Variants in SLC22A3 observed in about 807,000 individuals in gnomAD.
SLC22A3 encodes the protein EMT organic cation transporter 3.
SLC22A3 carries 51 observed loss-of-function variants against 59.1 expected under a neutral mutation model. That is an observed-to-expected ratio of 0.86 (90% CI 0.69 to 1.09). The LOEUF (loss-of-function observed/expected upper bound fraction) is 1.09. SLC22A3 is among the 50% of genes least tolerant of loss of function. The probability of loss-of-function intolerance (pLI) is 0.00; values close to 1 mark genes in which losing one functional copy is unlikely to be tolerated. For missense variants in SLC22A3, 711 were observed against 726.3 expected, an observed-to-expected ratio of 0.98 and a Z score of 0.24; for synonymous variants, 325 against 292.0, an observed-to-expected ratio of 1.11 and a Z score of -1.15.
intron 6 of SLC22A3, 44 bp from the exon 7 acceptor site, chr6:160,436,953 G>A: frequency 1.2e-6 from 2 of 1,613,104 alleles, no homozygotes; most frequent in Admixed American, 1.7e-5. Flanking sequence ...TCAGCTTGAA[G>A]TTATCTCTTA....
intron 5 of SLC22A3, among the ~76,000 whole-genome samples, chr6:160,416,531 C>G (rs1378732346): frequency 6.6e-6 from 1 of 152,044 alleles, no homozygotes; most frequent in Admixed American, 6.5e-5. Context: ...TACAGCATGA[C>G]AGCGTCTCAC....
intron 1 of SLC22A3, among the ~76,000 whole-genome samples, chr6:160,383,485 A>G (rs76395597): frequency 6.6e-6 from 1 of 152,078 alleles, no homozygotes; most frequent in African/African-American, 2.4e-5. Flanking sequence ...ATTTCCCTCA[A>G]TGAAAACTCC....
chr6:160,425,437 T>C (rs977531572), intron 5 of SLC22A3, among the ~76,000 whole-genome samples: 4 of 152,186 alleles, frequency 2.6e-5, no homozygotes, highest in African/African-American at 9.7e-5. Flanking sequence ...CTCTGTGAAA[T>C]GTTCATTTCA....
chr6:160,424,497 C>T (rs1302306591), intron 5 of SLC22A3, among the ~76,000 whole-genome samples: 2 of 152,190 alleles, frequency 1.3e-5, no homozygotes, highest in South Asian at 2.1e-4. Flanking sequence ...TAAGGTGTCT[C>T]TACCTGTTGC....
intron 5 of SLC22A3, among the ~76,000 whole-genome samples, chr6:160,430,812 G>T (rs1788125525): frequency 1.3e-5 from 2 of 152,162 alleles, no homozygotes; most frequent in South Asian, 4.1e-4. Flanking sequence ...CATTTAGACA[G>T]CATAAAAGGT....
chr6:160,360,634 G>A (rs2504934), intron 1 of SLC22A3, among the ~76,000 whole-genome samples: 27,553 of 152,058 alleles, frequency 0.18, 2,825 homozygotes, highest in Non-Finnish European at 0.23. Flanking sequence ...GTCCTGACCC[G>A]GAAAGCATTA....
At chr6:160,392,295 C>T (rs4709426) in intron 1 of SLC22A3, among the ~76,000 whole-genome samples, 7 of 152,012 alleles carry the variant, frequency 4.6e-5, no homozygotes, top group Non-Finnish European at 1.0e-4. Context: ...CTAAATCCAG[C>T]TCATTGTGGG....
intron 1 of SLC22A3, among the ~76,000 whole-genome samples, chr6:160,386,747 C>T (rs1583466028): frequency 6.6e-6 from 1 of 152,196 alleles, no homozygotes; most frequent in African/African-American, 2.4e-5. Context: ...GGGCAGAGGT[C>T]GGCAGGCATG....
chr6:160,445,053 C>T (rs1485165153), intron 9 of SLC22A3, among the ~76,000 whole-genome samples: 1 of 152,240 alleles, frequency 6.6e-6, no homozygotes, highest in Admixed American at 6.5e-5. Context: ...CTGCAGCCCA[C>T]AGCCCAGTGG....
At chr6:160,411,956 G>T (rs974173640) in intron 5 of SLC22A3, among the ~76,000 whole-genome samples, 4 of 152,200 alleles carry the variant, frequency 2.6e-5, no homozygotes, top group African/African-American at 7.2e-5. Context: ...TGTTAGAGAA[G>T]AATTTTTGGA....
At chr6:160,437,339 C>A (rs757465226) in intron 7 of SLC22A3, 128 bp downstream of exon 7, 193 of 945,808 alleles carry the variant, frequency 2.0e-4, no homozygotes, top group Non-Finnish European at 2.4e-4. Context: ...GATGTCACTC[C>A]ATTTTCTGCT....
chr6:160,384,010 A>G (rs926037761), intron 1 of SLC22A3, among the ~76,000 whole-genome samples: 2 of 152,092 alleles, frequency 1.3e-5, no homozygotes, highest in Non-Finnish European at 2.9e-5. Flanking sequence ...GCTTACTACA[A>G]CATCTGCCTC....
chr6:160,381,738 T>C (rs1053721659), intron 1 of SLC22A3, among the ~76,000 whole-genome samples: 1 of 152,180 alleles, frequency 6.6e-6, no homozygotes, highest in African/African-American at 2.4e-5. Context: ...GCCATGATTT[T>C]TCTACCAATG....
intron 9 of SLC22A3, among the ~76,000 whole-genome samples, chr6:160,444,783 G>C (rs573305209): frequency 6.6e-6 from 1 of 152,334 alleles, no homozygotes; most frequent in South Asian, 2.1e-4. Context: ...TGGTTCAGCA[G>C]TTGAAATTTG....
chr6:160,437,080 C>G lies in SLC22A3; in HGVS notation c.1157C>G (p.Ser386Trp), dbSNP rs1049959110. Reference sequence around the variant, plus strand: ...AACCTCTATATAGACTTTTTCATCTCGGGCGTGGTGGAACTGCCAGGAGCT... The same window carrying G: ...AACCTCTATATAGACTTTTTCATCTGGGGCGTGGTGGAACTGCCAGGAGCT... ...GGNLYIDFFISGVVELPGALL... is the reference protein window; with the variant it reads ...GGNLYIDFFIWGVVELPGALL... Residue 386 changes from serine to tryptophan, a missense_variant, in exon 7 of 11, where the codon TCG becomes TGG. Coordinates refer to ENST00000275300, the MANE Select transcript of SLC22A3 (RefSeq NM_021977.4). 1.2e-6 allele frequency: 2 copies of G among 1,614,004 alleles called. No homozygotes were observed. The highest frequency in any genetic ancestry group is 1.7e-6 in the Non-Finnish European group (2 of 1,180,000).
intron 1 of SLC22A3, among the ~76,000 whole-genome samples, chr6:160,381,496 T>G (rs571824466): frequency 6.6e-6 from 1 of 152,338 alleles, no homozygotes; most frequent in South Asian, 2.1e-4. Context: ...ATTAACACTG[T>G]TCTAAAGGGA....
intron 5 of SLC22A3, among the ~76,000 whole-genome samples, chr6:160,420,418 T>G (rs1057292058): frequency 6.6e-6 from 1 of 152,220 alleles, no homozygotes; most frequent in Non-Finnish European, 1.5e-5. Context: ...ATCAAAATGT[T>G]AACTATCTCT....
At chr6:160,389,932 G>A (rs1248100319) in intron 1 of SLC22A3, among the ~76,000 whole-genome samples, 3 of 152,290 alleles carry the variant, frequency 2.0e-5, no homozygotes, top group Middle Eastern at 3.4e-3. Flanking sequence ...GGCCTTGGGT[G>A]GGATTCTGTG....
chr6:160,411,913 T>C (rs1291911245), intron 5 of SLC22A3, among the ~76,000 whole-genome samples: 1 of 152,196 alleles, frequency 6.6e-6, no homozygotes, highest in Non-Finnish European at 1.5e-5. Context: ...ACTAAGTGAC[T>C]ACAGAATAAC....
Sources: gnomAD v4.1 joint callset for allele counts (sites outside exome capture counted in the v4.1 genomes callset) on GRCh38, gnomAD v4.1.1 for gene constraint, MANE v1.5 for transcripts, NCBI Gene and HGNC (gene_info 2026-07-23, HGNC 2026-07-21) for gene names.